Variants in CYRIA observed in about 807,000 individuals in gnomAD.
The protein encoded by CYRIA is CYFIP-related Rac1 interactor A.
A neutral mutation model predicts 43.9 loss-of-function variants in CYRIA; 15 were observed. That is an observed-to-expected ratio of 0.34 (90% CI 0.23 to 0.53). The LOEUF is 0.53. CYRIA is among the 20% of genes least tolerant of loss of function. The pLI is 0.94. For synonymous variants in CYRIA, 117 were observed against 136.0 expected, an observed-to-expected ratio of 0.86 and a Z score of 0.97; for missense variants, 236 against 394.2, an observed-to-expected ratio of 0.60 and a Z score of 3.40.
intron 3 of CYRIA, among the ~76,000 whole-genome samples, chr2:16,587,030 C>A (rs1450433773): frequency 6.6e-6 from 1 of 152,000 alleles, no homozygotes; most frequent in East Asian, 1.9e-4. Context: ...AAATCCCTGT[C>A]TTTTTTCAGT....
At chr2:16,630,521 G>A (rs1669296297) in intron 1 of CYRIA, among the ~76,000 whole-genome samples, 3 of 152,172 alleles carry the variant, frequency 2.0e-5, no homozygotes. Flanking sequence ...GGCCATTAAG[G>A]TGAGTGCACC....
Position 16,650,871 on chromosome 2 carries a change from T to C in CYRIA, c.-167+14909A>G, listed in dbSNP as rs1209421608. On this transcript the variant is annotated intron_variant, in intron 1 of 11. Transcript: ENST00000381323. The surrounding 1 kb of genome is among the most constrained non-coding windows in gnomAD (Gnocchi z 4.1). Reference sequence around the variant, plus strand: ...CTTTGACATGAGTGACTAATTCAATTTTTTGCTCCTGTTGTTTTAAATTCA... The same window carrying C: ...CTTTGACATGAGTGACTAATTCAATCTTTTGCTCCTGTTGTTTTAAATTCA... Among the ~76,000 whole-genome samples, 1 of 152,202 alleles carries C rather than the reference T, an allele frequency of 6.6e-6. No homozygotes were observed. The highest frequency in any genetic ancestry group is 2.4e-5 in the African/African-American group (1 of 41,444).
chr2:16,566,554 G>T (rs2103420188), intron 3 of CYRIA, among the ~76,000 whole-genome samples: 1 of 152,304 alleles, frequency 6.6e-6, no homozygotes, highest in East Asian at 1.9e-4. Flanking sequence ...GCAAAGACGT[G>T]CAGGGAGTTC....
At chr2:16,627,927 C>A (rs966778694) in intron 1 of CYRIA, among the ~76,000 whole-genome samples, 18 of 152,142 alleles carry the variant, frequency 1.2e-4, no homozygotes, top group African/African-American at 4.1e-4. Flanking sequence ...GGGGATGATG[C>A]CTTGGAAAGC....
At chr2:16,555,882 C>T (rs1321456337) in intron 10 of CYRIA, among the ~76,000 whole-genome samples, 1 of 152,128 alleles carries the variant, frequency 6.6e-6, no homozygotes, top group Non-Finnish European at 1.5e-5. Flanking sequence ...TTCACAGATG[C>T]TAAATGCCTG....
intron 3 of CYRIA, among the ~76,000 whole-genome samples, chr2:16,571,220 G>A (rs372808872): frequency 6.6e-6 from 1 of 152,324 alleles, no homozygotes; most frequent in African/African-American, 2.4e-5. Context: ...AGTTAAACAG[G>A]ATTAGTTTTG....
intron 3 of CYRIA, among the ~76,000 whole-genome samples, chr2:16,583,008 T>C (rs1437113129): frequency 6.6e-6 from 1 of 152,196 alleles, no homozygotes; most frequent in African/African-American, 2.4e-5. Context: ...TTTTTTCACA[T>C]CCTCACTAAC....
intron 1 of CYRIA, among the ~76,000 whole-genome samples, chr2:16,644,092 G>T (rs1669752148): frequency 6.6e-6 from 1 of 152,178 alleles, no homozygotes; most frequent in Admixed American, 6.5e-5. Context: ...CTGGAACTAG[G>T]TACCTCCCCT....
At chr2:16,563,332 C>T (rs1209790925) in intron 5 of CYRIA, among the ~76,000 whole-genome samples, 1 of 152,132 alleles carries the variant, frequency 6.6e-6, no homozygotes, top group East Asian at 1.9e-4. Flanking sequence ...GTCATTACTC[C>T]CCCAAGGTAT....
Position 16,656,443 on chromosome 2 carries a change from C to T in CYRIA, c.-167+9337G>A, listed in dbSNP as rs79883926. 3.2e-3 allele frequency among the ~76,000 whole-genome samples: 484 copies of T among 152,284 alleles called. 3 individuals are homozygous for T. Among genetic ancestry groups the T allele is most frequent in the African/African-American group, 0.011 (459 of 41,552 alleles). On this transcript the variant is annotated intron_variant, in intron 1 of 11. Transcript: ENST00000381323. ...CCAGAGGCACCCTATTCTCCATGTG[C>T]GCTGATGTGAACCATATTTACAGCT... is the stretch of plus-strand genomic sequence containing the variant.
chr2:16,600,299 AC>A (rs1262053892), intron 2 of CYRIA, among the ~76,000 whole-genome samples: 1 of 152,216 alleles, frequency 6.6e-6, no homozygotes, highest in Non-Finnish European at 1.5e-5. Flanking sequence ...ATCTTCCTCA[AC>A]ACTGACTCTC....
chr2:16,655,451 A>C (rs1029087091), intron 1 of CYRIA, among the ~76,000 whole-genome samples: 9 of 152,222 alleles, frequency 5.9e-5, no homozygotes, highest in Non-Finnish European at 4.4e-5. Context: ...CTCCTTGGAC[A>C]GTGCTCACTC....
chr2:16,629,943 G>A (rs1482842767), intron 1 of CYRIA, among the ~76,000 whole-genome samples: 1 of 152,150 alleles, frequency 6.6e-6, no homozygotes, highest in African/African-American at 2.4e-5. Flanking sequence ...CCCATGGTGG[G>A]AAGCCGAGCA....
chr2:16,660,477 C>T (rs747217035), intron 1 of CYRIA, among the ~76,000 whole-genome samples: 3 of 152,194 alleles, frequency 2.0e-5, no homozygotes, highest in Non-Finnish European at 4.4e-5. Context: ...GCACACTGCA[C>T]TTTGTAAAAC....
In CYRIA at chr2:16,633,769, A is replaced by C. The variant is rs369124440; in HGVS notation, c.-166-9750T>G. Among the ~76,000 whole-genome samples, 4 of 152,068 alleles carry C rather than the reference A, an allele frequency of 2.6e-5. No individual in the cohort carries two copies. The East Asian group carries it at 7.8e-4, about 30-fold the overall frequency. ...TGTGGCCCTGTCCTCTGCAGAAAAAAGTTTTCAAAACACACATTTGATGAT... is the reference window on the plus strand; with the variant it reads ...TGTGGCCCTGTCCTCTGCAGAAAAACGTTTTCAAAACACACATTTGATGAT... On this transcript the variant is annotated intron_variant, in intron 1 of 11. Transcript: ENST00000381323.
intron 1 of CYRIA, among the ~76,000 whole-genome samples, chr2:16,655,281 C>T (rs1436832767): frequency 6.6e-6 from 1 of 152,174 alleles, no homozygotes; most frequent in Non-Finnish European, 1.5e-5. Context: ...GGTGTGGGGC[C>T]TAGTGTGTGG....
chr2:16,569,652 T>C, intron 3 of CYRIA, among the ~76,000 whole-genome samples: 1 of 152,204 alleles, frequency 6.6e-6, no homozygotes, highest in East Asian at 1.9e-4. Flanking sequence ...GAAGCTCTAG[T>C]CTGTCTGTCT....
chr2:16,591,199 T>C (rs1667918825), intron 2 of CYRIA, among the ~76,000 whole-genome samples: 1 of 152,192 alleles, frequency 6.6e-6, no homozygotes, highest in African/African-American at 2.4e-5. Flanking sequence ...TATTATGCAC[T>C]ATTAGAGAAT....
chr2:16,555,287 T>G (rs182034472), intron 10 of CYRIA, 148 bp from the exon 11 acceptor site: 2 of 715,488 alleles, frequency 2.8e-6, no homozygotes, highest in East Asian at 2.7e-5. Flanking sequence ...TCCTACCCCC[T>G]CAGGCTGGTG....
Sources: allele counts gnomAD v4.1 joint callset (sites outside exome capture counted in the v4.1 genomes callset), GRCh38; gene constraint gnomAD v4.1.1; non-coding constraint Gnocchi (gnomAD v3.1); transcripts MANE v1.5; gene names NCBI Gene and HGNC (gene_info 2026-07-23, HGNC 2026-07-21).